SFPQ: variants seen among roughly 807,000 people sequenced by gnomAD.
The protein encoded by SFPQ is splicing factor proline and glutamine rich.
In SFPQ, 11 loss-of-function variants were observed where a neutral mutation model predicts 72.9. The observed-to-expected ratio is 0.15, with a 90% CI of 0.09 to 0.25. The LOEUF (loss-of-function observed/expected upper bound fraction) is 0.25. Among genes scored for constraint, SFPQ ranks in the 10% least tolerant of loss-of-function variants. SFPQ has a pLI of 1.00. For missense variants in SFPQ, 847 were observed against 993.3 expected (o/e 0.85, Z 1.98); for synonymous variants, 506 against 367.3 (o/e 1.38, Z -4.32).
Position 35,191,065 on chromosome 1 carries a change from C to G in SFPQ, c.1018-70G>C, listed in dbSNP as rs1046802095. 2.3e-6 allele frequency: 3 copies of G among 1,291,728 alleles called. No individual in the cohort carries two copies. The African/African-American group carries it at 4.4e-5, about 19-fold the overall frequency. The allele number at this position is 1,291,728 out of a possible 1,614,324, so 80.0% of individuals were successfully genotyped here. On this transcript the variant is annotated intron_variant, in intron 2 of 9. Coordinates refer to ENST00000357214, the MANE Select transcript of SFPQ (RefSeq NM_005066.3). ...ATGTCTACTCTTAAATTGTCATAGGCCTACTTCCTACTCCCTTTCTTCCTT... is the reference window on the plus strand; with the variant it reads ...ATGTCTACTCTTAAATTGTCATAGGGCTACTTCCTACTCCCTTTCTTCCTT...
intron 1 of SFPQ, among the ~76,000 whole-genome samples, 177 bp downstream of exon 1, chr1:35,192,045 G>C (rs550787906): frequency 6.6e-6 from 1 of 151,646 alleles, no homozygotes; most frequent in Non-Finnish European, 1.5e-5. Context: ...AGCAAGGCCC[G>C]GCGGCGGCCA....
In SFPQ at chr1:35,192,474, C is replaced by T; in HGVS notation, c.576G>A (p.Pro192=). The T allele has an allele frequency of 1.5e-6, 2 of 1,334,626 alleles. No individual in the cohort carries two copies. Among genetic ancestry groups the T allele is most frequent in the Non-Finnish European group, 1.9e-6 (2 of 1,049,880 alleles). 82.7% of individuals were successfully genotyped at this position (1,334,626 alleles called of 1,614,324 possible). The change falls in exon 1 of 10, where the codon CCG becomes CCA. Residue 192 remains proline (P), a synonymous_variant. Transcript: ENST00000357214. ...GGPPPPPAAV[P]GPGPGPKQGP... is the part of the protein sequence containing the mutation. ...CCTGCTTAGGCCCTGGACCCGGGCC[C>T]GGGACTGCCGCGGGCGGAGGCGGCG...
chr1:35,191,591 A>G (rs1639999481), intron 1 of SFPQ, 62 bp from the exon 2 acceptor site: 2 of 1,330,576 alleles, frequency 1.5e-6, no homozygotes, highest in Non-Finnish European at 2.1e-6. Context: ...AATCCCCAAG[A>G]TAGTATTTGC....
rs1557798838 is a variant in SFPQ at position 35,187,039 on chromosome 1, G to A, written c.1948C>T (p.Pro650Ser). The stretch of plus-strand genomic sequence containing the variant: ...ATCATGGAACCACTCATGGTTGCTG[G>A]TGGAACGCCAGGATTAGCTTCATAA... ...IGYEANPGVP[P>S]ATMSGSMMGS... Residue 650 changes from proline (P) to serine (S), a missense_variant, in exon 9 of 10, where the codon CCA (proline) becomes TCA (serine). Physicochemically the swap from Pro to Ser is moderately conservative, Grantham distance 74. Coordinates refer to ENST00000357214, the MANE Select transcript of SFPQ (RefSeq NM_005066.3). 1.2e-6 allele frequency: 2 copies of A among 1,614,060 alleles called. No homozygotes were observed. Among genetic ancestry groups the A allele is most frequent in the Non-Finnish European group, 1.7e-6 (2 of 1,179,962 alleles).
intron 4 of SFPQ, among the ~76,000 whole-genome samples, chr1:35,190,281 A>C (rs543305363): frequency 1.8e-4 from 28 of 152,352 alleles, no homozygotes; most frequent in Non-Finnish European, 3.8e-4. Context: ...CCATTATTGC[A>C]GGGACAAAAC....
At position 35,192,496 on chromosome 1, in the gene SFPQ, G is replaced by C. The variant is rs1380521855; in HGVS notation, c.554C>G (p.Pro185Arg). ...GCCCGGGACTGCCGCGGGCGGAGGC[G>C]GCGGGCCTCCGGCCTGAGGAGGTGT... ...PTTPPQAGGP[P>R]PPPAAVPGPG... Residue 185 changes from proline (P) to arginine (R), a missense_variant, in exon 1 of 10, where the codon CCG becomes CGG. Physicochemically the swap from Pro to Arg is moderately radical, Grantham distance 103 (BLOSUM62 -2). Around this residue, in one of 6 missense-constraint regions of SFPQ, gnomAD observed 498 missense variants for 405.1 expected, o/e 1.23. Transcript: ENST00000357214. The C allele has an allele frequency of 7.5e-7, 1 of 1,325,838 alleles. No homozygotes were observed. The highest frequency in any genetic ancestry group is 9.6e-7 in the Non-Finnish European group (1 of 1,045,084). The allele number at this position is 1,325,838 out of a possible 1,614,324, so 82.1% of individuals were successfully genotyped here.
rs372943417 is a variant in SFPQ, at chr1:35,192,855, T to G, written c.195A>C (p.Pro65=). The G allele has an allele frequency of 4.4e-5, 67 of 1,533,110 alleles. No individual in the cohort carries two copies. The African/African-American group carries it at 9.0e-4, about 21-fold the overall frequency. The allele number at this position is 1,533,110 out of a possible 1,614,324, so 95.0% of individuals were successfully genotyped here. The change falls in exon 1 of 10, where the codon CCA becomes CCC. Residue 65 remains proline (P), a synonymous_variant. Coordinates refer to ENST00000357214, the MANE Select transcript of SFPQ (RefSeq NM_005066.3). ...GPKPPIPPPP[P]HQQQQQPPPQ... is the part of the protein sequence containing the mutation. ...GTGGTGGCTGTTGCTGCTGTTGGTG[T>G]GGAGGCGGTGGCGGGATCGGAGGCT... is the stretch of plus-strand genomic sequence containing the variant.
chr1:35,179,615 A>G, downstream of SFPQ: 1 of 1,054,674 alleles, frequency 9.5e-7, no homozygotes, highest in Non-Finnish European at 1.1e-6. Context: ...TCATTGCTAC[A>G]TACAAATTAA....
At chr1:35,189,518 A>G (rs1421458378) in intron 4 of SFPQ, 136 bp from the exon 5 acceptor site, 5 of 607,714 alleles carry the variant, frequency 8.2e-6, no homozygotes, top group Non-Finnish European at 1.1e-5. Context: ...ATTCATCTAT[A>G]AATATCTTCA....
chr1:35,181,468 TAA>T (rs893961191), downstream of SFPQ: 13 of 1,063,576 alleles, frequency 1.2e-5, no homozygotes, highest in African/African-American at 2.0e-4. Flanking sequence ...AATACATCTA[TAA>T]AGAGTGGTGG....
Position 35,191,073 on chromosome 1 carries a change from C to G in SFPQ, c.1018-78G>C, listed in dbSNP as rs181611224. 3.0e-3 allele frequency: 3,777 copies of G among 1,259,878 alleles called. 7 individuals are homozygous for G. The highest frequency in any genetic ancestry group is 3.7e-3 in the Non-Finnish European group (3,293 of 899,642). 78.0% of individuals were successfully genotyped at this position (1,259,878 alleles called of 1,614,324 possible). A position where few individuals can be genotyped will look rare whatever the true frequency, so the allele number is the denominator to read the frequency against. On this transcript the variant is annotated intron_variant, in intron 2 of 9. Coordinates refer to ENST00000357214, the MANE Select transcript of SFPQ (RefSeq NM_005066.3). ...TCTTAAATTGTCATAGGCCTACTTCCTACTCCCTTTCTTCCTTCAGCTCAG... is the reference window on the plus strand; with the variant it reads ...TCTTAAATTGTCATAGGCCTACTTCGTACTCCCTTTCTTCCTTCAGCTCAG...
chr1:35,178,987 A>T, downstream of SFPQ: 1 of 1,055,900 alleles, frequency 9.5e-7, no homozygotes. Context: ...GTTGAGTCTT[A>T]AAAATTGCCA....
At chr1:35,180,121 A>G (rs1344254068), downstream of SFPQ, 10 of 1,049,042 alleles carry the variant, frequency 9.5e-6, no homozygotes, top group East Asian at 4.4e-4. Flanking sequence ...TACACAGAAG[A>G]AAAGTCTCAT....
rs754047965 is a variant in SFPQ at position 35,193,080 on chromosome 1, G to C, written c.-31C>G. On this transcript the variant is annotated 5_prime_UTR_variant, in exon 1 of 10. Coordinates refer to ENST00000357214, the MANE Select transcript of SFPQ (RefSeq NM_005066.3). ...TGGTCAAGGGGCGGTCGAGGCAAAA[G>C]CGAAGAAGACGCTCAGGAAACGTGG... is the stretch of plus-strand genomic sequence containing the variant. 2.6e-6 allele frequency: 4 copies of C among 1,519,462 alleles called. No homozygotes were observed. Among genetic ancestry groups the C allele is most frequent in the Non-Finnish European group, 3.5e-6 (4 of 1,144,736 alleles). The allele number at this position is 1,519,462 out of a possible 1,614,324, so 94.1% of individuals were successfully genotyped here.
At chr1:35,185,909 T>C (rs1188177019) in intron 9 of SFPQ, among the ~76,000 whole-genome samples, 1 of 152,168 alleles carries the variant, frequency 6.6e-6, no homozygotes, top group African/African-American at 2.4e-5. Flanking sequence ...AAACCTTTAA[T>C]TGTGAGAACA....
downstream of SFPQ, chr1:35,180,878 G>A (rs1570109045): frequency 1.0e-6 from 1 of 985,374 alleles, no homozygotes; most frequent in Admixed American, 6.1e-5. Flanking sequence ...TGCAACTAAA[G>A]GAAACCACAC....
chr1:35,188,377 T>C (rs1438182631), intron 6 of SFPQ, among the ~76,000 whole-genome samples: 2 of 152,220 alleles, frequency 1.3e-5, no homozygotes, highest in Non-Finnish European at 2.9e-5. Flanking sequence ...TTTCCCTAAA[T>C]GTCAGAATAT....
chr1:35,192,196 G>A (rs1161181342), intron 1 of SFPQ, 26 bp downstream of exon 1: 11 of 1,380,736 alleles, frequency 8.0e-6, no homozygotes, highest in Non-Finnish European at 9.3e-6. Context: ...TAGGGGAGCC[G>A]ACGCGTCGCT....
At chr1:35,182,738 G>GT (rs1639522380), downstream of SFPQ, 3 of 985,392 alleles carry the variant, frequency 3.0e-6, no homozygotes, top group South Asian at 1.4e-4. Context: ...TGAATGGAAC[G>GT]TAACTCAGAA....
Sources: gnomAD v4.1 joint callset for allele counts (sites outside exome capture counted in the v4.1 genomes callset) on GRCh38, gnomAD v4.1.1 for gene constraint, gnomAD v4.1.1 regional missense constraint, MANE v1.5 for transcripts, NCBI Gene and HGNC (gene_info 2026-07-23, HGNC 2026-07-21) for gene names.